Variants in ABR observed in about 807,000 individuals in gnomAD.
ABR encodes the protein active breakpoint cluster region-related protein.
ABR carries 35 observed loss-of-function variants against 107.2 expected under a neutral mutation model. The observed-to-expected ratio is 0.33, with a 90% CI of 0.25 to 0.43. The LOEUF is 0.43. Ranked by LOEUF, ABR falls within the 20% of genes least tolerant of loss-of-function variation. The probability of loss-of-function intolerance (pLI) is 1.00; values close to 1 mark genes in which losing one functional copy is unlikely to be tolerated. For synonymous variants in ABR, 498 were observed against 462.0 expected, an observed-to-expected ratio of 1.08 and a Z score of -1.00; for missense variants, 815 against 1,115.2, an observed-to-expected ratio of 0.73 and a Z score of 3.83.
At chr17:1,093,761 C>T (rs2037198964) in intron 3 of ABR, among the ~76,000 whole-genome samples, 1 of 152,278 alleles carries the variant, frequency 6.6e-6, no homozygotes, top group Admixed American at 6.5e-5. Context: ...CACATCACCT[C>T]ATTCTGATGA....
upstream of ABR, among the ~76,000 whole-genome samples, chr17:1,191,738 G>A (rs928172172): frequency 1.3e-5 from 2 of 152,174 alleles, no homozygotes; most frequent in Non-Finnish European, 2.9e-5. Flanking sequence ...AAGAAGAACA[G>A]AGGGTAACAT....
At chr17:1,181,207 C>G (rs978819842), upstream of ABR, among the ~76,000 whole-genome samples, 19 of 152,202 alleles carry the variant, frequency 1.2e-4, no homozygotes, top group African/African-American at 4.3e-4. Flanking sequence ...TCCAAACAGA[C>G]ACACACACAT....
At chr17:1,176,729 C>T (rs2041930026) in intron 1 of ABR, among the ~76,000 whole-genome samples, 1 of 152,134 alleles carries the variant, frequency 6.6e-6, no homozygotes, top group African/African-American at 2.4e-5. Context: ...CGCCCATAAT[C>T]CCAGCTACTC....
At chr17:1,085,002 A>G (rs1813896509) in intron 4 of ABR, among the ~76,000 whole-genome samples, 1 of 150,098 alleles carries the variant, frequency 6.7e-6, no homozygotes, top group Admixed American at 6.7e-5. Context: ...GCGTTTCTCC[A>G]TATTGGTCAG....
intron 1 of ABR, among the ~76,000 whole-genome samples, chr17:1,185,660 A>T (rs1273126310): frequency 3.3e-4 from 48 of 147,308 alleles, no homozygotes; most frequent in African/African-American, 9.9e-4. Flanking sequence ...GAAATAAAAA[A>T]AAAAAAAAAA....
chr17:1,153,440 TGGGGGTCC>T (rs2040889248), intron 1 of ABR, among the ~76,000 whole-genome samples: 2 of 137,646 alleles, frequency 1.5e-5, no homozygotes, highest in African/African-American at 5.5e-5. Flanking sequence ...GCGGGAGGGC[TGGGGGTCC>T]AGGCACACCT....
chr17:1,166,731 G>A lies in ABR; in HGVS notation c.61+12936C>T, dbSNP rs375138941. ...ATGCAGAATCCAGGCCGGGCGCAGG[G>A]GCTCACGCCTGTAATCCCAGCACTT... is the stretch of plus-strand genomic sequence containing the variant. On this transcript the variant is annotated intron_variant, in intron 1 of 22. Transcript: ENST00000302538. Among the ~76,000 whole-genome samples the A allele has an allele frequency of 9.2e-5, 14 of 152,348 alleles. No homozygotes were observed. The East Asian group carries it at 1.9e-3, about 21-fold the overall frequency.
intron 1 of ABR, among the ~76,000 whole-genome samples, chr17:1,219,566 C>G (rs907968609): frequency 7.1e-6 from 1 of 140,586 alleles, no homozygotes; most frequent in East Asian, 2.1e-4. Context: ...GCCTATGTGA[C>G]CAGCCTCCCA....
rs527876811 is a variant in ABR, at chr17:1,198,729, G to A, written c.838+30064C>T. Among the ~76,000 whole-genome samples, 60 of 149,566 alleles carry A rather than the reference G, an allele frequency of 4.0e-4. No homozygotes were observed. The East Asian group carries it at 9.7e-3, about 24-fold the overall frequency. ...CGGCTCACTGCAAGCTCCGCCTCCC[G>A]GGTTCACGCCATTCTCCTGCCTCAG... On this transcript the variant is annotated intron_variant, in intron 1 of 22. Coordinates refer to the ABR transcript ENST00000574139.
intron 2 of ABR, among the ~76,000 whole-genome samples, chr17:1,113,475 T>TG (rs1456824015): frequency 6.6e-6 from 1 of 151,586 alleles, no homozygotes; most frequent in Non-Finnish European, 1.5e-5. Flanking sequence ...TTAGTAGAGA[T>TG]GGGGTTTCAT....
In ABR at chr17:1,092,078, G is replaced by A. The variant is rs1279970194; in HGVS notation, c.346-228C>T. On this transcript the variant is annotated intron_variant, in intron 3 of 22. Transcript: ENST00000302538. This position sits in a 1 kb window ranked among gnomAD's most constrained non-coding sequence, Gnocchi z 4.6. ...CTGGCCTGGCAGCTGTGCCAGGCCC[G>A]AGGGGTGGTGCCTGGGCTCACTCCC... is the stretch of plus-strand genomic sequence containing the variant. Among the ~76,000 whole-genome samples, 4 of 152,178 alleles carry A rather than the reference G, an allele frequency of 2.6e-5. No individual in the cohort carries two copies. The highest frequency in any genetic ancestry group is 6.5e-5 in the Admixed American group (1 of 15,278).
chr17:1,065,148 G>A (rs1421621453), intron 10 of ABR, among the ~76,000 whole-genome samples: 11 of 24,612 alleles, frequency 4.5e-4, no homozygotes, highest in Non-Finnish European at 7.0e-4. Context: ...CTGCTGTTAC[G>A]TGAACTGAGG....
upstream of ABR, among the ~76,000 whole-genome samples, chr17:1,189,312 A>T (rs2042382865): frequency 6.6e-6 from 1 of 150,732 alleles, no homozygotes; most frequent in Non-Finnish European, 1.5e-5. Context: ...CACATGTAGC[A>T]TGTCATTCCT....
intron 1 of ABR, among the ~76,000 whole-genome samples, chr17:1,137,967 T>C (rs1334438414): frequency 6.6e-6 from 1 of 151,560 alleles, no homozygotes; most frequent in Non-Finnish European, 1.5e-5. Flanking sequence ...GTGGCACAAT[T>C]TCGGCTCACT....
rs1240415776 is a variant in ABR at position 1,037,038 on chromosome 17, CCCATCCATCCAT to C, written c.1791+13000_1791+13011del. Among the ~76,000 whole-genome samples, 1 of 134,190 alleles carries C rather than the reference CCCATCCATCCAT, an allele frequency of 7.5e-6. No individual in the cohort carries two copies. Among genetic ancestry groups the C allele is most frequent in the East Asian group, 2.5e-4 (1 of 4,012 alleles). The allele number at this position is 134,190 out of a possible 152,430, so 88.0% of individuals were successfully genotyped here. A position where few individuals can be genotyped will look rare whatever the true frequency, so the allele number is the denominator to read the frequency against. ...ATCCTTCCTTCCTTCCATCCATCCA[CCCATCCATCCAT>C]CCATCCACCCATCCATCCACCCACC... On this transcript the variant is annotated intron_variant, in intron 16 of 22. Transcript: ENST00000302538. This position sits in a 1 kb window ranked among gnomAD's most constrained non-coding sequence, Gnocchi z 4.6.
intron 1 of ABR, among the ~76,000 whole-genome samples, chr17:1,185,452 C>G (rs1385146955): frequency 6.6e-6 from 1 of 152,014 alleles, no homozygotes. Context: ...CGAGACCAGC[C>G]TGGCCAACAT....
At chr17:1,022,120 A>AAAAAAAAAAAAGAC (rs56033950) in intron 16 of ABR, among the ~76,000 whole-genome samples, 1 of 118,388 alleles carries the variant, frequency 8.4e-6, no homozygotes, top group Admixed American at 9.2e-5. Flanking sequence ...AAAAAAAAAA[A>AAAAAAAAAAAAGAC]AAAAACAGAA....
upstream of ABR, among the ~76,000 whole-genome samples, chr17:1,189,092 C>T (rs1489123796): frequency 5.9e-5 from 9 of 152,254 alleles, no homozygotes; most frequent in African/African-American, 1.2e-4. Context: ...GGAGCTGGCA[C>T]GAGAAACTAG....
chr17:1,036,123 C>T (rs2073163202), intron 16 of ABR, among the ~76,000 whole-genome samples: 2 of 152,006 alleles, frequency 1.3e-5, no homozygotes, highest in Non-Finnish European at 2.9e-5. Context: ...CTCCTTTTTC[C>T]CACCAGAACG....
Sources: gnomAD v4.1 joint callset for allele counts (sites outside exome capture counted in the v4.1 genomes callset) on GRCh38, gnomAD v4.1.1 for gene constraint, Gnocchi (gnomAD v3.1) non-coding constraint, MANE v1.5 for transcripts, NCBI Gene and HGNC (gene_info 2026-07-23, HGNC 2026-07-21) for gene names.